GPHN: variants seen among roughly 807,000 people sequenced by gnomAD.
GPHN encodes the protein gephyrin.
A neutral mutation model predicts 95.5 loss-of-function variants in GPHN; 17 were observed. The observed-to-expected ratio is 0.18, with a 90% CI of 0.12 to 0.27. The LOEUF is 0.27. Among genes scored for constraint, GPHN ranks in the 10% least tolerant of loss-of-function variants. The probability of loss-of-function intolerance (pLI) is 1.00; values close to 1 mark genes in which losing one functional copy is unlikely to be tolerated. For synonymous variants in GPHN, 320 were observed against 322.5 expected, an observed-to-expected ratio of 0.99 and a Z score of 0.08; for missense variants, 660 against 978.1, an observed-to-expected ratio of 0.67 and a Z score of 4.34.
the GPHN span, among the ~76,000 whole-genome samples, chr14:67,636,342 C>G: frequency 6.6e-6 from 1 of 152,152 alleles, no homozygotes; most frequent in South Asian, 2.1e-4. Flanking sequence ...AAGAGTAATT[C>G]AGTTGCTGTT....
the GPHN span, chr14:67,583,687 C>G: frequency 6.9e-7 from 1 of 1,450,398 alleles, no homozygotes. Flanking sequence ...CAGCCCCCAC[C>G]TGGCCCATCC....
chr14:67,496,427 A>G, the GPHN span, among the ~76,000 whole-genome samples: 1 of 34,742 alleles, frequency 2.9e-5, no homozygotes, highest in Non-Finnish European at 6.2e-5. Context: ...TTTTTGAGAC[A>G]GGGTCTGGCT....
At chr14:67,461,536 C>T in the GPHN span, among the ~76,000 whole-genome samples, 4 of 152,154 alleles carry the variant, frequency 2.6e-5, no homozygotes, top group African/African-American at 9.7e-5. Context: ...CTTCCCTCCC[C>T]AGCCCTTACC....
chr14:67,454,663 A>G, the GPHN span: 2,930 of 152,346 alleles, frequency 0.019, 31 homozygotes, highest in Middle Eastern at 0.048. Context: ...CAAGGAGCTC[A>G]CGAATGGAGA....
intron 3 of GPHN, among the ~76,000 whole-genome samples, chr14:66,819,604 T>G (rs182572896): frequency 1.3e-5 from 2 of 152,140 alleles, no homozygotes; most frequent in Non-Finnish European, 2.9e-5. Context: ...GCCTCCAGCT[T>G]TGTTTTTTTG....
At chr14:66,928,764 C>CT (rs2066620896) in intron 8 of GPHN, among the ~76,000 whole-genome samples, 1 of 152,074 alleles carries the variant, frequency 6.6e-6, no homozygotes, top group African/African-American at 2.4e-5. Context: ...TTCTTAATGT[C>CT]TTCAGTGACC....
chr14:67,620,476 A>C, the GPHN span, among the ~76,000 whole-genome samples: 1 of 152,152 alleles, frequency 6.6e-6, no homozygotes, highest in African/African-American at 2.4e-5. Context: ...GGAGGTTAAA[A>C]GGAGCGACCG....
the GPHN span, among the ~76,000 whole-genome samples, chr14:67,664,391 G>A: frequency 6.6e-6 from 1 of 152,138 alleles, no homozygotes; most frequent in Non-Finnish European, 1.5e-5. Context: ...CAAAGTCAAG[G>A]TTCATCTATG....
intron 4 of GPHN, among the ~76,000 whole-genome samples, chr14:66,860,061 A>C (rs1363539288): frequency 3.3e-5 from 5 of 152,192 alleles, no homozygotes; most frequent in Non-Finnish European, 7.3e-5. Context: ...AACTTTATTC[A>C]AAGGGATAAT....
chr14:67,707,058 T>A, the GPHN span, among the ~76,000 whole-genome samples: 4 of 152,256 alleles, frequency 2.6e-5, no homozygotes, highest in Admixed American at 6.5e-5. Flanking sequence ...GCGGTTTATG[T>A]ATGTAAATAG....
intron 1 of GPHN, among the ~76,000 whole-genome samples, chr14:66,584,794 A>G (rs1387239760): frequency 1.3e-5 from 2 of 152,088 alleles, no homozygotes; most frequent in African/African-American, 2.4e-5. Flanking sequence ...GTTTGCCAGT[A>G]TTTTATTGAG....
intron 2 of GPHN, among the ~76,000 whole-genome samples, chr14:66,730,202 G>A (rs1473434955): frequency 6.6e-6 from 1 of 152,174 alleles, no homozygotes; most frequent in Non-Finnish European, 1.5e-5. Flanking sequence ...AGGATTCAGG[G>A]TTGTGCTTAA....
chr14:66,811,845 G>C (rs1266379197), intron 3 of GPHN, among the ~76,000 whole-genome samples: 3 of 152,168 alleles, frequency 2.0e-5, no homozygotes, highest in Non-Finnish European at 4.4e-5. Flanking sequence ...GCTCCTATCA[G>C]AGCTCCTATC....
chr14:67,730,753 G>A, the GPHN span, among the ~76,000 whole-genome samples: 3 of 152,004 alleles, frequency 2.0e-5, no homozygotes, highest in South Asian at 2.1e-4. Context: ...ACAGGTGCCC[G>A]CCACCACACC....
the GPHN span, among the ~76,000 whole-genome samples, chr14:67,560,021 T>TTTTA: frequency 3.3e-5 from 5 of 152,152 alleles, no homozygotes; most frequent in East Asian, 5.8e-4. Context: ...TCTCTTTTAT[T>TTTTA]TTTATTTATT....
the GPHN span, among the ~76,000 whole-genome samples, chr14:67,675,413 C>T: frequency 6.6e-6 from 1 of 151,768 alleles, no homozygotes; most frequent in Non-Finnish European, 1.5e-5. Flanking sequence ...GCTGAGGTCC[C>T]ACCACTGCAC....
At chr14:67,389,335 G>C in the GPHN span, among the ~76,000 whole-genome samples, 1 of 152,174 alleles carries the variant, frequency 6.6e-6, no homozygotes, top group Non-Finnish European at 1.5e-5. Context: ...GAGGACAGGA[G>C]AGTCCTGTCC....
intron 14 of GPHN, 47 bp from the exon 15 acceptor site, chr14:67,111,814 C>G: frequency 7.0e-7 from 1 of 1,424,236 alleles, no homozygotes; most frequent in South Asian, 1.1e-5. Context: ...CTAAATTCTA[C>G]TGCTCAGAAA....
intron 2 of GPHN, among the ~76,000 whole-genome samples, chr14:66,744,523 A>C (rs2058064678): frequency 9.3e-6 from 1 of 107,752 alleles, no homozygotes. Context: ...TAATGTTTAG[A>C]GTAAACAGTG....
Sources: allele counts gnomAD v4.1 joint callset (sites outside exome capture counted in the v4.1 genomes callset), GRCh38; gene constraint gnomAD v4.1.1; transcripts MANE v1.5; gene names NCBI Gene and HGNC (gene_info 2026-07-23, HGNC 2026-07-21).